Variants in STYX observed in about 807,000 individuals in gnomAD.
STYX encodes the protein serine/threonine/tyrosine interacting protein.
STYX carries 20 observed loss-of-function variants against 42.7 expected under a neutral mutation model. The observed-to-expected ratio is 0.47, with a 90% CI of 0.33 to 0.68. The LOEUF (loss-of-function observed/expected upper bound fraction) is 0.68. STYX is among the 30% of genes least tolerant of loss of function. The pLI is 0.02. For synonymous variants in STYX, 78 were observed against 81.9 expected, an observed-to-expected ratio of 0.95 and a Z score of 0.26; for missense variants, 226 against 268.5, an observed-to-expected ratio of 0.84 and a Z score of 1.11.
intron 1 of STYX, among the ~76,000 whole-genome samples, chr14:52,731,949 C>CT (rs11354417): frequency 0.029 from 3,984 of 136,270 alleles, 131 homozygotes; most frequent in African/African-American, 0.086. Flanking sequence ...GCTAATTTTT[C>CT]TTTTTTTTTT....
Position 52,730,617 on chromosome 14 carries a change from G to A in STYX, c.57+86G>A, listed in dbSNP as rs564599190. On this transcript the variant is annotated intron_variant, in intron 1 of 10. Coordinates refer to ENST00000354586, the MANE Select transcript of STYX (RefSeq NM_145251.4). ...ACCCCAGTCCCCAACCGTCTTAGCC[G>A]CCACCTGTACGGGCGCCCTGCCTCC... is the stretch of plus-strand genomic sequence containing the variant. The A allele has an allele frequency of 1.3e-4, 191 of 1,485,862 alleles. 2 individuals are homozygous for A. In the East Asian group the frequency reaches 4.5e-3, roughly 35 times the overall value. The allele number at this position is 1,485,862 out of a possible 1,614,324, so 92.0% of individuals were successfully genotyped here. A position where few individuals can be genotyped will look rare whatever the true frequency, so the allele number is the denominator to read the frequency against.
chr14:52,731,353 A>G (rs897082591), intron 1 of STYX, among the ~76,000 whole-genome samples: 1 of 152,148 alleles, frequency 6.6e-6, no homozygotes, highest in African/African-American at 2.4e-5. Flanking sequence ...AGTAGTTGGG[A>G]AAAATAAAGC....
chr14:52,770,702 T>G (rs576697729), intron 10 of STYX, among the ~76,000 whole-genome samples: 1 of 152,196 alleles, frequency 6.6e-6, no homozygotes, highest in Non-Finnish European at 1.5e-5. Context: ...GTCACATGTT[T>G]ATGGTGCCTA....
chr14:52,758,709 G>C (rs1283903418), intron 8 of STYX, among the ~76,000 whole-genome samples: 1 of 152,086 alleles, frequency 6.6e-6, no homozygotes, highest in South Asian at 2.1e-4. Flanking sequence ...CCTAGTAGCT[G>C]AGACTACAGG....
intron 1 of STYX, among the ~76,000 whole-genome samples, chr14:52,732,624 A>C (rs1243081681): frequency 6.6e-6 from 1 of 151,876 alleles, no homozygotes; most frequent in African/African-American, 2.4e-5. Flanking sequence ...ATAAAAATGA[A>C]TTTATACTTA....
Position 52,730,504 on chromosome 14 carries a change from C to T in STYX, c.30C>T (p.Ser10=). Residue 10 remains serine, a synonymous_variant, in exon 1 of 11, where the codon TCC becomes TCT. Coordinates refer to ENST00000354586, the MANE Select transcript of STYX (RefSeq NM_145251.4). ...AGGACGTGAAGCTGGAGTTCCCTTC[C>T]CTTCCACAGTGCAAGGAAGACGCCG... The part of the protein sequence containing the change: MEDVKLEFP[S]LPQCKEDAEE... The T allele has an allele frequency of 6.2e-7, 1 of 1,613,760 alleles. No individual in the cohort carries two copies. Among genetic ancestry groups the T allele is most frequent in the Non-Finnish European group, 8.5e-7 (1 of 1,179,886 alleles).
Position 52,741,678 on chromosome 14 carries a change from C to T in STYX, c.58-3174C>T, listed in dbSNP as rs1255967664. On this transcript the variant is annotated intron_variant, in intron 1 of 10. Transcript: ENST00000354586. ...GGTAAACTTCTGAGCTCAAGTGATC[C>T]GCCTACCTCAGTCTCCCAAAGTACT... Among the ~76,000 whole-genome samples, 4 of 152,194 alleles carry T rather than the reference C, an allele frequency of 2.6e-5. No individual in the cohort carries two copies. The East Asian group carries it at 5.8e-4, about 22-fold the overall frequency.
At chr14:52,740,573 G>C (rs1035223373) in intron 1 of STYX, among the ~76,000 whole-genome samples, 2 of 152,112 alleles carry the variant, frequency 1.3e-5, no homozygotes, top group African/African-American at 4.8e-5. Flanking sequence ...CTTCTTCAAA[G>C]AACATTTTAA....
At chr14:52,737,795 T>G (rs1368038876) in intron 1 of STYX, among the ~76,000 whole-genome samples, 1 of 152,062 alleles carries the variant, frequency 6.6e-6, no homozygotes, top group Non-Finnish European at 1.5e-5. Context: ...GGCAGGGTTT[T>G]TTTGTTTGTT....
At chr14:52,737,649 G>A (rs900801141) in intron 1 of STYX, among the ~76,000 whole-genome samples, 2 of 152,206 alleles carry the variant, frequency 1.3e-5, no homozygotes, top group Non-Finnish European at 2.9e-5. Context: ...CAGGAGTAGT[G>A]TGAGCAGGCT....
intron 1 of STYX, among the ~76,000 whole-genome samples, chr14:52,742,817 A>G (rs1881245673): frequency 7.0e-6 from 1 of 143,580 alleles, no homozygotes; most frequent in Non-Finnish European, 1.5e-5. Flanking sequence ...TTTTTTTGAG[A>G]TGGAGTTTCA....
intron 1 of STYX, among the ~76,000 whole-genome samples, chr14:52,741,042 A>G (rs1881168648): frequency 1.3e-5 from 2 of 152,128 alleles, no homozygotes; most frequent in Admixed American, 6.5e-5. Context: ...CATAATGTCA[A>G]TGAAATTCAT....
chr14:52,754,842 T>C (rs1258748479), intron 4 of STYX, among the ~76,000 whole-genome samples: 56 of 152,246 alleles, frequency 3.7e-4, no homozygotes, highest in Non-Finnish European at 1.5e-5. Context: ...GTGCAGGTTC[T>C]TTATCCTAAT....
intron 9 of STYX, among the ~76,000 whole-genome samples, chr14:52,768,368 G>C (rs1222570612): frequency 6.6e-6 from 1 of 152,080 alleles, no homozygotes; most frequent in Admixed American, 6.6e-5. Context: ...TCCTGACGTA[G>C]CTGGTAATCA....
intron 1 of STYX, among the ~76,000 whole-genome samples, chr14:52,739,330 T>C (rs1489788546): frequency 1.3e-5 from 2 of 152,190 alleles, no homozygotes; most frequent in East Asian, 3.8e-4. Context: ...TTTTTTTTCT[T>C]TAATTACACA....
intron 6 of STYX, 25 bp from the exon 7 acceptor site, chr14:52,757,718 A>G (rs767751419): frequency 1.9e-6 from 3 of 1,612,078 alleles, no homozygotes; most frequent in Non-Finnish European, 2.5e-6. Flanking sequence ...TTTTTCTATT[A>G]GAATAATGAA....
At chr14:52,759,533 A>G (rs1428944042) in intron 8 of STYX, 149 bp from the exon 9 acceptor site, 1 of 639,260 alleles carries the variant, frequency 1.6e-6, no homozygotes, top group Non-Finnish European at 2.7e-6. Context: ...TGCCGTAAGC[A>G]TATAGCTGGT....
Position 52,759,678 on chromosome 14 carries a change from T to C in STYX, c.432-4T>C. The stretch of plus-strand genomic sequence containing the variant: ...TCACATTAACACTCTTTTTCTGTTT[T>C]CAGAGATGCTTTTGCTTATGTTCAA... On this transcript the variant is annotated splice_region_variant and splice_polypyrimidine_tract_variant and intron_variant, in intron 8 of 10. Coordinates refer to ENST00000354586, the MANE Select transcript of STYX (RefSeq NM_145251.4). 1 of 1,592,750 alleles carries C rather than the reference T, an allele frequency of 6.3e-7. No individual in the cohort carries two copies. Among genetic ancestry groups the C allele is most frequent in the Non-Finnish European group, 8.6e-7 (1 of 1,162,824 alleles).
chr14:52,774,252 T>C lies in STYX; in HGVS notation c.*3146T>C, dbSNP rs1478428501. 1.3e-5 allele frequency: 2 copies of C among 152,120 alleles called. No individual in the cohort carries two copies. Among genetic ancestry groups the C allele is most frequent in the Admixed American group, 6.5e-5 (1 of 15,278 alleles). 9.4% of individuals were successfully genotyped at this position (152,120 alleles called of 1,614,324 possible). ...GTTAAGCATGTCTGTATTAAGAAAA[T>C]ATAAGGTTTCTAATTGTCTTATTAA... is the stretch of plus-strand genomic sequence containing the variant. On this transcript the variant is annotated 3_prime_UTR_variant, in exon 11 of 11. Transcript: ENST00000354586.
Sources: gnomAD v4.1 joint callset for allele counts (sites outside exome capture counted in the v4.1 genomes callset) on GRCh38, gnomAD v4.1.1 for gene constraint, MANE v1.5 for transcripts, NCBI Gene and HGNC (gene_info 2026-07-23, HGNC 2026-07-21) for gene names.